Variants in CCDC91 observed in about 807,000 individuals in gnomAD.
The protein encoded by CCDC91 is coiled-coil domain containing 91, also known as coiled-coil domain-containing protein 91.
Under a neutral mutation model 63.2 loss-of-function variants are expected in CCDC91, and 48 were observed. The observed-to-expected ratio is 0.76, with a 90% CI of 0.60 to 0.97. CCDC91 has a LOEUF of 0.97. Among genes scored for constraint, CCDC91 ranks in the 50% least tolerant of loss-of-function variants. The probability of loss-of-function intolerance (pLI) is 0.00; values close to 1 mark genes in which losing one functional copy is unlikely to be tolerated. For missense variants in CCDC91, 500 were observed against 494.6 expected, an observed-to-expected ratio of 1.01 and a Z score of -0.10; for synonymous variants, 167 against 165.8, an observed-to-expected ratio of 1.01 and a Z score of -0.06.
intron 11 of CCDC91, among the ~76,000 whole-genome samples, chr12:28,461,056 T>A (rs1330216567): frequency 1.3e-5 from 2 of 152,002 alleles, no homozygotes; most frequent in Non-Finnish European, 2.9e-5. Flanking sequence ...CCATACAGCA[T>A]GTTACTGTGC....
chr12:28,450,500 TATAAA>T, intron 10 of CCDC91, 82 bp downstream of exon 10: 1 of 991,922 alleles, frequency 1.0e-6, no homozygotes. Context: ...CTCAATCTTT[TATAAA>T]ATGTTTCATT....
At chr12:28,229,496 G>A (rs573068026) in intron 1 of CCDC91, among the ~76,000 whole-genome samples, 1 of 152,294 alleles carries the variant, frequency 6.6e-6, no homozygotes, top group South Asian at 2.1e-4. Flanking sequence ...TTAAAGCTGA[G>A]ATACGAATCA....
chr12:28,244,493 G>C (rs1437465272), intron 1 of CCDC91, among the ~76,000 whole-genome samples: 1 of 67,012 alleles, frequency 1.5e-5, no homozygotes, highest in Non-Finnish European at 2.7e-5. Flanking sequence ...GTAGAAGAAG[G>C]CTTTTTTTTT....
At chr12:28,332,116 G>A (rs1284023417) in intron 6 of CCDC91, among the ~76,000 whole-genome samples, 1 of 152,058 alleles carries the variant, frequency 6.6e-6, no homozygotes, top group African/African-American at 2.4e-5. Context: ...AGGATTCTAA[G>A]TGTCTATACT....
chr12:28,285,282 C>T (rs890950988), intron 3 of CCDC91, among the ~76,000 whole-genome samples: 40 of 152,062 alleles, frequency 2.6e-4, no homozygotes, highest in African/African-American at 8.5e-4. Context: ...GAATTTGCTC[C>T]TGTTCGAGGT....
chr12:28,343,331 C>T (rs560945262), intron 6 of CCDC91, among the ~76,000 whole-genome samples: 2 of 151,892 alleles, frequency 1.3e-5, no homozygotes, highest in South Asian at 2.1e-4. Flanking sequence ...CATATTCATT[C>T]GCATAGCCAT....
At chr12:28,464,078 T>A (rs1226216466) in intron 11 of CCDC91, among the ~76,000 whole-genome samples, 1 of 152,150 alleles carries the variant, frequency 6.6e-6, no homozygotes, top group Non-Finnish European at 1.5e-5. Context: ...AGTGCTGCCC[T>A]TGTTATACCA....
At chr12:28,339,627 G>A (rs1942271304) in intron 6 of CCDC91, among the ~76,000 whole-genome samples, 1 of 152,102 alleles carries the variant, frequency 6.6e-6, no homozygotes, top group African/African-American at 2.4e-5. Flanking sequence ...TATAAAGTAT[G>A]CAGAAGGATA....
rs1237302738 is a variant in CCDC91 at position 28,212,193 on chromosome 12, C to T, written c.-15+21552C>T. Among the ~76,000 whole-genome samples, 3 of 152,110 alleles carry T rather than the reference C, an allele frequency of 2.0e-5. No individual in the cohort carries two copies. In the East Asian group the frequency reaches 5.8e-4, roughly 29 times the overall value. On this transcript the variant is annotated intron_variant, in intron 1 of 12. Coordinates refer to ENST00000536442, the MANE Select transcript of CCDC91 (RefSeq NM_018318.5). ...TCGTTAGAAGCTCTGCTTTGGATCC[C>T]GCTTCTGACACTATCTGTTAAAAGT...
rs752823223 is a variant in CCDC91 at position 28,484,166 on chromosome 12, G to T, written c.1215+1G>T. The T allele has an allele frequency of 6.4e-7, 1 of 1,555,074 alleles. No homozygotes were observed. Among genetic ancestry groups the T allele is most frequent in the Non-Finnish European group, 8.8e-7 (1 of 1,133,870 alleles). ...AGAGTATATAAAAGAACAGAAAAGG[G>T]TAAGTATCTCCTGAAGAGTTTTAAT... On this transcript the variant is annotated splice_donor_variant, in intron 12 of 12. Transcript: ENST00000536442. LOFTEE classifies it high-confidence loss of function.
intron 12 of CCDC91, among the ~76,000 whole-genome samples, chr12:28,512,592 T>C (rs1939494698): frequency 6.6e-6 from 1 of 151,912 alleles, no homozygotes. Flanking sequence ...TTACGTATTA[T>C]TTATGGCTGC....
At position 28,549,325 on chromosome 12, in the gene CCDC91, A is replaced by G. The variant is rs1248938455; in HGVS notation, c.*152A>G. The G allele has an allele frequency of 2.0e-6, 1 of 490,864 alleles. No individual in the cohort carries two copies. The highest frequency in any genetic ancestry group is 3.3e-5 in the East Asian group (1 of 30,512). 30.4% of individuals were successfully genotyped at this position (490,864 alleles called of 1,614,324 possible). On this transcript the variant is annotated 3_prime_UTR_variant, in exon 13 of 13. Coordinates refer to ENST00000536442, the MANE Select transcript of CCDC91 (RefSeq NM_018318.5). ...ATAAACCAAAACAATATTTAGAACTATCAAGTGATCTAATTTATTTTCTTT... is the reference window on the plus strand; with the variant it reads ...ATAAACCAAAACAATATTTAGAACTGTCAAGTGATCTAATTTATTTTCTTT...
intron 1 of CCDC91, among the ~76,000 whole-genome samples, chr12:28,255,007 C>T (rs1375793320): frequency 6.6e-6 from 1 of 151,966 alleles, no homozygotes; most frequent in Non-Finnish European, 1.5e-5. Flanking sequence ...TGCTGCTGAC[C>T]TCAGGTGATC....
At chr12:28,396,564 G>T (rs1463581565) in intron 8 of CCDC91, among the ~76,000 whole-genome samples, 1 of 151,926 alleles carries the variant, frequency 6.6e-6, no homozygotes, top group Non-Finnish European at 1.5e-5. Context: ...TGATGGTTTT[G>T]AGTGATATTA....
intron 12 of CCDC91, among the ~76,000 whole-genome samples, chr12:28,493,122 C>T (rs1952098604): frequency 6.6e-6 from 1 of 151,594 alleles, no homozygotes; most frequent in East Asian, 1.9e-4. Flanking sequence ...TTTATATTTA[C>T]TGTCTCAATC....
intron 6 of CCDC91, among the ~76,000 whole-genome samples, chr12:28,328,740 TA>T (rs1941236583): frequency 6.6e-6 from 1 of 152,182 alleles, no homozygotes; most frequent in Admixed American, 6.6e-5. Context: ...TGGCAATGAC[TA>T]AAAAGAATTA....
chr12:28,195,194 G>C (rs1412263126), intron 1 of CCDC91, among the ~76,000 whole-genome samples: 1 of 147,844 alleles, frequency 6.8e-6, no homozygotes, highest in Non-Finnish European at 1.5e-5. Flanking sequence ...CCAGAGTGTT[G>C]ATTGGTGCAT....
At chr12:28,409,547 T>G (rs950680403) in intron 8 of CCDC91, among the ~76,000 whole-genome samples, 7 of 152,116 alleles carry the variant, frequency 4.6e-5, no homozygotes, top group African/African-American at 1.7e-4. Flanking sequence ...TCTATGTCAC[T>G]GATTTCTTCT....
chr12:28,198,727 T>C (rs1356075341), intron 1 of CCDC91, among the ~76,000 whole-genome samples: 4 of 152,214 alleles, frequency 2.6e-5, no homozygotes, highest in African/African-American at 4.8e-5. Context: ...TTCTGACTTA[T>C]GAGTGGAGTG....
Sources: gnomAD v4.1 joint callset for allele counts (sites outside exome capture counted in the v4.1 genomes callset) on GRCh38, gnomAD v4.1.1 for gene constraint, MANE v1.5 for transcripts, NCBI Gene and HGNC (gene_info 2026-07-23, HGNC 2026-07-21) for gene names.